Variants in QSOX1 observed in about 807,000 individuals in gnomAD.
The protein encoded by QSOX1 is sulfhydryl oxidase 1.
QSOX1 carries 40 observed loss-of-function variants against 76.1 expected under a neutral mutation model. The observed-to-expected ratio is 0.53, with a 90% CI of 0.41 to 0.68. QSOX1 has a LOEUF of 0.68. QSOX1 is among the 30% of genes least tolerant of loss of function. The pLI is 0.00. For synonymous variants in QSOX1, 392 were observed against 413.1 expected (o/e 0.95, Z 0.62); for missense variants, 931 against 974.3 (o/e 0.96, Z 0.59).
At chr1:180,161,085 T>C (rs1662484384) in intron 1 of QSOX1, among the ~76,000 whole-genome samples, 1 of 152,052 alleles carries the variant, frequency 6.6e-6, no homozygotes, top group Non-Finnish European at 1.5e-5. Context: ...TCAGGGTAAG[T>C]GGGAGGCAGA....
intron 11 of QSOX1, among the ~76,000 whole-genome samples, chr1:180,194,795 T>C (rs1438266226): frequency 6.6e-6 from 1 of 152,162 alleles, no homozygotes; most frequent in East Asian, 1.9e-4. Context: ...TTCCTGGAAA[T>C]ACCAGGCACC....
intron 1 of QSOX1, among the ~76,000 whole-genome samples, chr1:180,166,156 C>T (rs1662613545): frequency 1.3e-5 from 2 of 150,748 alleles, no homozygotes. Context: ...GGGTGGGGGG[C>T]TGGGGGGATG....
At chr1:180,180,003 G>A (rs1662989974) in intron 5 of QSOX1, among the ~76,000 whole-genome samples, 1 of 152,218 alleles carries the variant, frequency 6.6e-6, no homozygotes, top group African/African-American at 2.4e-5. Context: ...CAAGGGGCTG[G>A]GGTCCCAGTG....
At chr1:180,191,132 T>G (rs970191783) in intron 10 of QSOX1, among the ~76,000 whole-genome samples, 5 of 152,170 alleles carry the variant, frequency 3.3e-5, no homozygotes, top group African/African-American at 1.2e-4. Flanking sequence ...TTTTGAAGAC[T>G]GAAAGGATGC....
At chr1:180,190,125 C>G (rs1663272155) in intron 9 of QSOX1, among the ~76,000 whole-genome samples, 1 of 152,230 alleles carries the variant, frequency 6.6e-6, no homozygotes, top group Non-Finnish European at 1.5e-5. Flanking sequence ...TGGGTCACTG[C>G]AGCCAGCAGA....
In QSOX1 at chr1:180,195,842, A is replaced by C. The variant is rs540522962; in HGVS notation, c.1469-420A>C. 2.6e-5 allele frequency among the ~76,000 whole-genome samples: 4 copies of C among 152,334 alleles called. No homozygotes were observed. In the South Asian group the frequency reaches 8.3e-4, roughly 32 times the overall value. Reference sequence around the variant, plus strand: ...TTGGAAAATGTCAGAAAAATGCAAAAAAAGACAAACACGAGCAGACCGACC... The same window carrying C: ...TTGGAAAATGTCAGAAAAATGCAAACAAAGACAAACACGAGCAGACCGACC... On this transcript the variant is annotated intron_variant, in intron 11 of 11. Transcript: ENST00000367602.
intron 1 of QSOX1, among the ~76,000 whole-genome samples, chr1:180,161,321 A>G (rs1275665147): frequency 1.3e-5 from 2 of 152,224 alleles, no homozygotes; most frequent in Non-Finnish European, 2.9e-5. Context: ...GAACTTATCG[A>G]TAAGGAATCT....
chr1:180,156,360 C>G (rs1319835572), intron 1 of QSOX1, among the ~76,000 whole-genome samples: 2 of 152,168 alleles, frequency 1.3e-5, no homozygotes. Flanking sequence ...GCCTCCTACC[C>G]TGAAATGGTC....
Position 180,155,181 on chromosome 1 carries a change from C to CG in QSOX1, c.265+14dup. 1 of 1,484,278 alleles carries CG rather than the reference C, an allele frequency of 6.7e-7. No individual in the cohort carries two copies. The highest frequency in any genetic ancestry group is 8.9e-7 in the Non-Finnish European group (1 of 1,120,192). 91.9% of individuals were successfully genotyped at this position (1,484,278 alleles called of 1,614,324 possible). ...GGCCGAAGACGTCAAAGGTGAGAAG[C>CG]GGGGGCGGCCCGCTCCCCCGTGCCC... is the stretch of plus-strand genomic sequence containing the variant. On this transcript the variant is annotated intron_variant, in intron 1 of 11. Transcript: ENST00000367602.
At position 180,166,585 on chromosome 1, in the gene QSOX1, T is replaced by A; in HGVS notation, c.360T>A (p.Thr120=). ...ACTTCAACATCCCTGGCTTCCCGAC[T>A]GTGAGGGTGTGTGACTGACAGGAGG... ...CRDFNIPGFP[T]VRFFKAFTKN... The change falls in exon 2 of 12, where the codon ACT becomes ACA. Residue 120 remains threonine (T), a synonymous_variant. Coordinates refer to ENST00000367602, the MANE Select transcript of QSOX1 (RefSeq NM_002826.5). The A allele has an allele frequency of 1.9e-6, 3 of 1,613,576 alleles. No homozygotes were observed. Among genetic ancestry groups the A allele is most frequent in the Non-Finnish European group, 2.5e-6 (3 of 1,179,622 alleles).
At chr1:180,175,886 G>A (rs145790905) in intron 3 of QSOX1, 45 bp from the exon 4 acceptor site, 6 of 1,472,998 alleles carry the variant, frequency 4.1e-6, no homozygotes, top group Non-Finnish European at 5.6e-6. Context: ...TGTGGAAGCA[G>A]CTCTGCTCTC....
chr1:180,169,820 C>T (rs1314006483), intron 2 of QSOX1, among the ~76,000 whole-genome samples: 4 of 152,234 alleles, frequency 2.6e-5, no homozygotes, highest in Non-Finnish European at 5.9e-5. Context: ...AGCCCATGGC[C>T]AGTGAGAGGC....
intron 11 of QSOX1, among the ~76,000 whole-genome samples, chr1:180,195,280 T>A (rs1016645597): frequency 1.3e-5 from 2 of 152,040 alleles, no homozygotes; most frequent in Non-Finnish European, 2.9e-5. Flanking sequence ...CCCTCTCTGG[T>A]GGGGTCCTTT....
At position 180,189,546 on chromosome 1, in the gene QSOX1, C is replaced by T. The variant is rs1484193432; in HGVS notation, c.1018-6C>T. 6.2e-7 allele frequency: 1 copy of T among 1,608,554 alleles called. No homozygotes were observed. Among genetic ancestry groups the T allele is most frequent in the African/African-American group, 1.3e-5 (1 of 74,662 alleles). On this transcript the variant is annotated splice_region_variant and splice_polypyrimidine_tract_variant and intron_variant, in intron 8 of 11. Coordinates refer to ENST00000367602, the MANE Select transcript of QSOX1 (RefSeq NM_002826.5). ...CTCTCCAGCTTCCGCTTGTTCCTCC[C>T]CACAGTATTTCCCTGGCCGGCCCTT... is the stretch of plus-strand genomic sequence containing the variant.
intron 1 of QSOX1, among the ~76,000 whole-genome samples, chr1:180,159,619 T>C (rs1022525546): frequency 1.3e-5 from 2 of 152,206 alleles, no homozygotes; most frequent in Non-Finnish European, 2.9e-5. Flanking sequence ...AAAATCTGAT[T>C]GGTTATTTCG....
At chr1:180,192,279 G>C (rs956748591) in intron 10 of QSOX1, among the ~76,000 whole-genome samples, 1 of 152,290 alleles carries the variant, frequency 6.6e-6, no homozygotes, top group Admixed American at 6.5e-5. Context: ...AGACAGGCCG[G>C]GGGCGGAGGT....
rs150019191 is a variant in QSOX1 at position 180,174,867 on chromosome 1, A to T, written c.367-454A>T. The stretch of plus-strand genomic sequence containing the variant: ...CTCCCCCCAATTCACCATTTTACAG[A>T]TGAAGAAACAGGCTCGGCCAGGCGC... On this transcript the variant is annotated intron_variant, in intron 2 of 11. Transcript: ENST00000367602. Among the ~76,000 whole-genome samples, 120 of 152,152 alleles carry T rather than the reference A, an allele frequency of 7.9e-4. 1 individual carries two copies. In the Middle Eastern group the frequency reaches 0.01, roughly 13 times the overall value.
chr1:180,175,510 C>T, intron 3 of QSOX1, 144 bp downstream of exon 3: 1 of 851,560 alleles, frequency 1.2e-6, no homozygotes, highest in African/African-American at 1.7e-5. Flanking sequence ...TAACTTGTGT[C>T]TTCCCAAAAC....
At chr1:180,169,015 A>G (rs1338796262) in intron 2 of QSOX1, among the ~76,000 whole-genome samples, 2 of 152,256 alleles carry the variant, frequency 1.3e-5, no homozygotes, top group Non-Finnish European at 2.9e-5. Context: ...CCTGAGTGGC[A>G]TGTGTGACTG....
Sources: gnomAD v4.1 joint callset for allele counts (sites outside exome capture counted in the v4.1 genomes callset) on GRCh38, gnomAD v4.1.1 for gene constraint, MANE v1.5 for transcripts, NCBI Gene and HGNC (gene_info 2026-07-23, HGNC 2026-07-21) for gene names.